IGSF11: variants seen among roughly 807,000 people sequenced by gnomAD.
IGSF11 encodes immunoglobulin superfamily member 11, also known as CXADR like 1.
In IGSF11, 22 loss-of-function variants were observed where a neutral mutation model predicts 41.0. That is an observed-to-expected ratio of 0.54 (90% CI 0.38 to 0.77). IGSF11 has a LOEUF of 0.77. Among genes scored for constraint, IGSF11 ranks in the 30% least tolerant of loss-of-function variants. The pLI is 0.00. For synonymous variants in IGSF11, 219 were observed against 201.3 expected (o/e 1.09, Z -0.74); for missense variants, 444 against 530.8 (o/e 0.84, Z 1.61).
chr3:118,933,489 TAC>T (rs36105810), intron 1 of IGSF11, among the ~76,000 whole-genome samples: 24 of 148,738 alleles, frequency 1.6e-4, no homozygotes, highest in Non-Finnish European at 2.4e-4. Context: ...TATATATATA[TAC>T]ACACACACAC....
intron 1 of IGSF11, among the ~76,000 whole-genome samples, chr3:119,043,524 C>T (rs1240169703): frequency 6.6e-6 from 1 of 152,236 alleles, no homozygotes; most frequent in East Asian, 1.9e-4. Context: ...ATTCCATTGC[C>T]GGCAACACCC....
At chr3:118,959,300 T>C (rs1945171929) in intron 1 of IGSF11, among the ~76,000 whole-genome samples, 1 of 152,138 alleles carries the variant, frequency 6.6e-6, no homozygotes, top group Non-Finnish European at 1.5e-5. Context: ...TTACATATGC[T>C]ACTGGATGTC....
intron 1 of IGSF11, among the ~76,000 whole-genome samples, chr3:118,975,376 A>T (rs1303762066): frequency 6.6e-6 from 1 of 152,116 alleles, no homozygotes; most frequent in Non-Finnish European, 1.5e-5. Context: ...AAAAAAAAAA[A>T]AAAGATGTGC....
intron 1 of IGSF11, among the ~76,000 whole-genome samples, chr3:118,990,281 C>T (rs555726913): frequency 4.6e-5 from 7 of 152,254 alleles, no homozygotes; most frequent in African/African-American, 1.7e-4. Context: ...TGTGAACATA[C>T]TGAAATAACC....
chr3:118,945,730 T>C (rs1013967192), intron 1 of IGSF11: 6 of 152,142 alleles, frequency 3.9e-5, no homozygotes, highest in Non-Finnish European at 5.9e-5. Flanking sequence ...TCTTACCTCA[T>C]ATCAGCAAAT....
chr3:118,987,393 T>C (rs1457053651), intron 1 of IGSF11, among the ~76,000 whole-genome samples: 2 of 152,128 alleles, frequency 1.3e-5, no homozygotes, highest in East Asian at 1.9e-4. Flanking sequence ...ATGGTGGACA[T>C]TGAGAACTAT....
In IGSF11 at chr3:118,946,191, T is replaced by C. The variant is rs72966901; in HGVS notation, c.53-15916A>G. The stretch of plus-strand genomic sequence containing the variant: ...TATACGTACATTATTAACCATTGGC[T>C]ACACACACACACGCACACACACACA... On this transcript the variant is annotated intron_variant, in intron 1 of 6. Coordinates refer to ENST00000393775, the MANE Select transcript of IGSF11 (RefSeq NM_001015887.3). Among the ~76,000 whole-genome samples, 753 of 147,154 alleles carry C rather than the reference T, an allele frequency of 5.1e-3. 5 individuals are homozygous for C. The highest frequency in any genetic ancestry group is 0.018 in the African/African-American group (709 of 39,474).
intron 3 of IGSF11, among the ~76,000 whole-genome samples, chr3:118,926,948 G>A (rs911721934): frequency 1.3e-5 from 2 of 152,160 alleles, no homozygotes; most frequent in African/African-American, 4.8e-5. Flanking sequence ...TTTCATGCTG[G>A]GGAATACAGA....
At chr3:119,119,336 G>C (rs2107528307) in intron 1 of IGSF11, among the ~76,000 whole-genome samples, 1 of 152,246 alleles carries the variant, frequency 6.6e-6, no homozygotes, top group South Asian at 2.1e-4. Flanking sequence ...TTACATGGAT[G>C]GCAGCAGTCA....
Position 118,920,340 on chromosome 3 carries a change from TTAAATAAATAAA to T in IGSF11, c.580+5749_580+5760del, listed in dbSNP as rs200987239. Reference sequence around the variant, plus strand: ...CTTTAAATATCAAAAAATAAATAAATTAAATAAATAAATAAATAAATAAATAGAAAACCTCCA... The same window carrying T: ...CTTTAAATATCAAAAAATAAATAAATTAAATAAATAAATAGAAAACCTCCA... On this transcript the variant is annotated intron_variant, in intron 4 of 6. Transcript: ENST00000393775. Among the ~76,000 whole-genome samples, 519 of 149,404 alleles carry T rather than the reference TTAAATAAATAAA, an allele frequency of 3.5e-3. 3 individuals carry two copies. The highest frequency in any genetic ancestry group is 0.011 in the African/African-American group (464 of 40,862).
At chr3:118,940,908 CAAAA>C (rs374776493) in intron 1 of IGSF11, among the ~76,000 whole-genome samples, 3 of 99,876 alleles carry the variant, frequency 3.0e-5, no homozygotes, top group East Asian at 3.1e-4. Context: ...CTCCATATGC[CAAAA>C]AAAAAAAAAA....
At chr3:119,112,414 T>G (rs952028765) in intron 1 of IGSF11, among the ~76,000 whole-genome samples, 1 of 152,094 alleles carries the variant, frequency 6.6e-6, no homozygotes, top group African/African-American at 2.4e-5. Flanking sequence ...CGGGATATAA[T>G]CTCCTGGTGT....
At chr3:119,135,917 AATGG>A (rs2107544516) in intron 1 of IGSF11, among the ~76,000 whole-genome samples, 1 of 152,300 alleles carries the variant, frequency 6.6e-6, no homozygotes, top group Admixed American at 6.5e-5. Flanking sequence ...TTTGCAGGGA[AATGG>A]ATGAAGATGG....
Position 119,096,821 on chromosome 3 carries a change from G to A in IGSF11, c.49+8323C>T, listed in dbSNP as rs886107055. ...TGCAGGCCCAATTTCATCTTTTAGA[G>A]CCTTAGGCAAAAAGGGTGGCCAAGA... On this transcript the variant is annotated intron_variant, in intron 1 of 6. Transcript: ENST00000354673. 3.9e-5 allele frequency among the ~76,000 whole-genome samples: 6 copies of A among 152,118 alleles called. No individual in the cohort carries two copies. In the South Asian group the frequency reaches 1.2e-3, roughly 32 times the overall value.
intron 4 of IGSF11, among the ~76,000 whole-genome samples, chr3:118,922,292 C>T (rs1226507819): frequency 3.3e-5 from 5 of 152,016 alleles, no homozygotes; most frequent in Non-Finnish European, 5.9e-5. Context: ...TATTGAAGCA[C>T]AATTGACTAA....
At chr3:118,979,945 T>C (rs1301792931) in intron 1 of IGSF11, among the ~76,000 whole-genome samples, 1 of 151,782 alleles carries the variant, frequency 6.6e-6, no homozygotes, top group African/African-American at 2.4e-5. Flanking sequence ...GAAATACAAA[T>C]CAAAACCACA....
intron 1 of IGSF11, among the ~76,000 whole-genome samples, chr3:119,080,357 A>C (rs1346545994): frequency 2.0e-5 from 3 of 152,192 alleles, no homozygotes; most frequent in African/African-American, 7.2e-5. Context: ...CTACAATTCT[A>C]TGATCCCTCT....
At chr3:119,111,840 G>A (rs1056876611) in intron 1 of IGSF11, among the ~76,000 whole-genome samples, 45 of 152,212 alleles carry the variant, frequency 3.0e-4, no homozygotes, top group Non-Finnish European at 1.3e-4. Flanking sequence ...GACTGTTGGA[G>A]TTTGCTAGAG....
At chr3:118,953,746 T>C (rs1944756558) in intron 1 of IGSF11, among the ~76,000 whole-genome samples, 1 of 152,126 alleles carries the variant, frequency 6.6e-6, no homozygotes, top group Non-Finnish European at 1.5e-5. Flanking sequence ...TTTGGTTGGA[T>C]AGTTTGTTTT....
Sources: allele counts gnomAD v4.1 joint callset (sites outside exome capture counted in the v4.1 genomes callset), GRCh38; gene constraint gnomAD v4.1.1; transcripts MANE v1.5; gene names NCBI Gene and HGNC (gene_info 2026-07-23, HGNC 2026-07-21).